The following MAP2K3 variants were observed in gnomAD, a reference collection of about 807,000 sequenced individuals.
MAP2K3 encodes mitogen-activated protein kinase kinase 3.
In MAP2K3, 30 loss-of-function variants were observed where a neutral mutation model predicts 46.4. The ratio of observed to expected loss-of-function variants is 0.65; its 90% CI spans 0.48 to 0.88. The LOEUF is 0.88. MAP2K3 is among the 40% of genes least tolerant of loss of function. MAP2K3 has a pLI of 0.00. For missense variants in MAP2K3, 380 were observed against 464.5 expected (o/e 0.82, Z 1.67); for synonymous variants, 189 against 176.3 (o/e 1.07, Z -0.57).
chr17:21,291,166 C>T (rs1386973124), intron 1 of MAP2K3, among the ~76,000 whole-genome samples: 1 of 152,278 alleles, frequency 6.6e-6, no homozygotes, highest in Non-Finnish European at 1.5e-5. Context: ...ATGGCATGAA[C>T]CCGGGAGGCG....
intron 6 of MAP2K3, among the ~76,000 whole-genome samples, chr17:21,302,980 G>T (rs1055598757): frequency 6.6e-4 from 101 of 152,368 alleles, no homozygotes; most frequent in African/African-American, 2.4e-3. Flanking sequence ...GAGGCAGGAG[G>T]CCGAGTGTGT....
In MAP2K3 at chr17:21,298,808, C is replaced by G. The variant is rs1976418114; in HGVS notation, c.117-70C>G. ...GTCCCCACGCCAGGCCCCACACTGG[C>G]CCATCTACTGCTGCACTTGGGGAAG... On this transcript the variant is annotated intron_variant, in intron 2 of 11. Transcript: ENST00000342679. The G allele has an allele frequency of 4.0e-5, 64 of 1,610,430 alleles. No individual in the cohort carries two copies. In the South Asian group the frequency reaches 6.9e-4, roughly 17 times the overall value.
intron 1 of MAP2K3, among the ~76,000 whole-genome samples, chr17:21,292,226 C>A (rs1233176620): frequency 9.2e-5 from 14 of 152,296 alleles, no homozygotes; most frequent in African/African-American, 3.4e-4. Context: ...AGTGCTGGGG[C>A]TGGCTTCAAG....
At chr17:21,289,399 G>A (rs113133265) in intron 1 of MAP2K3, among the ~76,000 whole-genome samples, 21 of 152,264 alleles carry the variant, frequency 1.4e-4, no homozygotes, top group Non-Finnish European at 2.9e-4. Context: ...AAGAGGGCCT[G>A]GGGTCATGGT....
intron 1 of MAP2K3, among the ~76,000 whole-genome samples, chr17:21,293,623 G>T (rs1240476180): frequency 6.6e-6 from 1 of 152,312 alleles, no homozygotes; most frequent in African/African-American, 2.4e-5. Flanking sequence ...GTAGAGAGGT[G>T]GGGAGGGTGT....
intron 1 of MAP2K3, chr17:21,296,320 C>A: frequency 3.1e-6 from 2 of 653,828 alleles, no homozygotes; most frequent in Non-Finnish European, 4.7e-6. Flanking sequence ...TGCGCCACTC[C>A]AAGCCCAGAG....
At chr17:21,288,458 G>A (rs913341986) in intron 1 of MAP2K3, among the ~76,000 whole-genome samples, 1 of 152,256 alleles carries the variant, frequency 6.6e-6, no homozygotes, top group Non-Finnish European at 1.5e-5. Context: ...CAGAGGTGGT[G>A]CAGGGTCGGC....
chr17:21,294,617 C>T (rs1352904920), intron 1 of MAP2K3, among the ~76,000 whole-genome samples: 4 of 152,310 alleles, frequency 2.6e-5, no homozygotes, highest in East Asian at 1.9e-4. Flanking sequence ...CTCTCTAAGT[C>T]ACCTCTTCTC....
chr17:21,292,389 A>ATT (rs11460376), intron 1 of MAP2K3, among the ~76,000 whole-genome samples: 1,060 of 151,566 alleles, frequency 7.0e-3, no homozygotes, highest in Non-Finnish European at 9.7e-3. Context: ...TCTTCTTCTC[A>ATT]TTTTTTTTTT....
intron 1 of MAP2K3, chr17:21,285,294 A>G: frequency 1.0e-6 from 1 of 984,586 alleles, no homozygotes; most frequent in Non-Finnish European, 1.2e-6. Flanking sequence ...CTGGACATGA[A>G]CTCTCCCAGT....
chr17:21,310,930 C>T (rs2144657294), intron 9 of MAP2K3, among the ~76,000 whole-genome samples: 1 of 152,384 alleles, frequency 6.6e-6, no homozygotes, highest in East Asian at 1.9e-4. Context: ...TTATAACTCT[C>T]ATGGCCGCTG....
chr17:21,290,912 A>C (rs543837494), intron 1 of MAP2K3, among the ~76,000 whole-genome samples: 66 of 152,398 alleles, frequency 4.3e-4, no homozygotes, highest in Middle Eastern at 6.8e-3. Flanking sequence ...ACAGCACTCC[A>C]GCCTGGGTGA....
chr17:21,293,996 C>T (rs1210936828), intron 1 of MAP2K3, among the ~76,000 whole-genome samples: 1 of 152,304 alleles, frequency 6.6e-6, no homozygotes, highest in African/African-American at 2.4e-5. Flanking sequence ...CTCAGGACCT[C>T]TGATGGCACC....
chr17:21,302,593 C>T (rs965890913), intron 6 of MAP2K3, among the ~76,000 whole-genome samples: 16 of 152,310 alleles, frequency 1.1e-4, no homozygotes, highest in African/African-American at 2.9e-4. Context: ...AAAAATGCCC[C>T]GGGGCAGCTC....
intron 3 of MAP2K3, 42 bp downstream of exon 3, chr17:21,298,968 C>T (rs1327680555): frequency 6.2e-7 from 1 of 1,613,342 alleles, no homozygotes; most frequent in Admixed American, 1.7e-5. Context: ...CTCACTTCAC[C>T]TGACGAGCGG....
At chr17:21,285,766 G>A (rs912502006) in intron 1 of MAP2K3, among the ~76,000 whole-genome samples, 15 of 152,204 alleles carry the variant, frequency 9.9e-5, no homozygotes, top group Non-Finnish European at 5.9e-5. Context: ...CCAGCCGCCA[G>A]GCCAGGGTGC....
chr17:21,284,863 G>C lies in MAP2K3; in HGVS notation c.-58G>C, dbSNP rs1230581336. The C allele has an allele frequency of 1.3e-6, 2 of 1,577,842 alleles. No individual in the cohort carries two copies. Among genetic ancestry groups the C allele is most frequent in the Non-Finnish European group, 8.6e-7 (1 of 1,159,830 alleles). On this transcript the variant is annotated 5_prime_UTR_variant, in exon 1 of 12. Transcript: ENST00000342679. ...CGCAGCCATGAGCGTGCTCGGCCCC[G>C]GTGGAGCCCGCAGTCCTCTAGATTA...
rs574717976 is a variant in MAP2K3, at chr17:21,308,336, C to T, written c.774+3208C>T. 1.5e-4 allele frequency among the ~76,000 whole-genome samples: 23 copies of T among 152,394 alleles called. No individual in the cohort carries two copies. In the East Asian group the frequency reaches 2.3e-3, roughly 15 times the overall value. On this transcript the variant is annotated intron_variant, in intron 9 of 11. Coordinates refer to ENST00000342679, the MANE Select transcript of MAP2K3 (RefSeq NM_145109.3). ...CTAATTTTTGTATTTTTAGTAGAGA[C>T]GGGGTTTTGCCATGTTGGCCAGGCT... is the stretch of plus-strand genomic sequence containing the variant.
At chr17:21,295,756 A>G in intron 1 of MAP2K3, 1 of 1,289,636 alleles carries the variant, frequency 7.8e-7, no homozygotes, top group Non-Finnish European at 1.0e-6. Context: ...CATATGTGCA[A>G]GTGCCCTTGA....
Sources: gnomAD v4.1 joint callset for allele counts (sites outside exome capture counted in the v4.1 genomes callset) on GRCh38, gnomAD v4.1.1 for gene constraint, MANE v1.5 for transcripts, NCBI Gene and HGNC (gene_info 2026-07-23, HGNC 2026-07-21) for gene names.